GNB4: variants seen among roughly 807,000 people sequenced by gnomAD.
The protein encoded by GNB4 is G protein subunit beta 4.
A neutral mutation model predicts 45.2 loss-of-function variants in GNB4; 28 were observed. The ratio of observed to expected loss-of-function variants is 0.62; its 90% CI spans 0.46 to 0.85. The LOEUF (loss-of-function observed/expected upper bound fraction) is 0.85, where lower values mean the gene tolerates loss of function less well. Ranked by LOEUF, GNB4 falls within the 40% of genes least tolerant of loss-of-function variation. The pLI is 0.00. For synonymous variants in GNB4, 132 were observed against 143.7 expected (o/e 0.92, Z 0.58); for missense variants, 321 against 425.4 (o/e 0.75, Z 2.16).
At chr3:179,430,254 TTTC>T (rs1352510077) in intron 1 of GNB4, among the ~76,000 whole-genome samples, 1 of 145,574 alleles carries the variant, frequency 6.9e-6, no homozygotes, top group African/African-American at 2.8e-5. Flanking sequence ...TCAAGCTAAT[TTTC>T]TTTTTTCTTT....
chr3:179,397,413 A>G lies in GNB4; in HGVS notation c.*3800T>C, dbSNP rs1187087475. ...TTAAGTCAAGATCCATTTATCTATTAATAGGTTAAGTCTGAAATTCTGTAA... is the reference window on the plus strand; with the variant it reads ...TTAAGTCAAGATCCATTTATCTATTGATAGGTTAAGTCTGAAATTCTGTAA... On this transcript the variant is annotated 3_prime_UTR_variant, in exon 10 of 10. Transcript: ENST00000232564. 1 of 152,254 alleles carries G rather than the reference A, an allele frequency of 6.6e-6. No homozygotes were observed. Among genetic ancestry groups the G allele is most frequent in the Non-Finnish European group, 1.5e-5 (1 of 68,048 alleles). 9.4% of individuals were successfully genotyped at this position (152,254 alleles called of 1,614,324 possible).
At chr3:179,515,501 G>A in the GNB4 span, among the ~76,000 whole-genome samples, 2 of 152,156 alleles carry the variant, frequency 1.3e-5, no homozygotes, top group Non-Finnish European at 2.9e-5. Flanking sequence ...GGCAGGGGCG[G>A]GGGTCACAAG....
intron 1 of GNB4, among the ~76,000 whole-genome samples, chr3:179,426,977 C>T (rs1488023861): frequency 3.9e-5 from 6 of 152,008 alleles, no homozygotes; most frequent in African/African-American, 1.4e-4. Flanking sequence ...TGTATCATTA[C>T]ACACACACAC....
At chr3:179,465,654 T>C in the GNB4 span, among the ~76,000 whole-genome samples, 1 of 152,116 alleles carries the variant, frequency 6.6e-6, no homozygotes, top group East Asian at 1.9e-4. Flanking sequence ...AACACATCTG[T>C]CTGGTGTGAT....
At chr3:179,468,035 A>ATATATATATATAT in the GNB4 span, among the ~76,000 whole-genome samples, 2 of 89,854 alleles carry the variant, frequency 2.2e-5, no homozygotes, top group Admixed American at 1.1e-4. Flanking sequence ...TGTTGATAAA[A>ATATATATATATAT]ATATATATAT....
At chr3:179,454,248 A>G (rs1354471197), upstream of GNB4, among the ~76,000 whole-genome samples, 1 of 152,210 alleles carries the variant, frequency 6.6e-6, no homozygotes, top group Admixed American at 6.5e-5. Flanking sequence ...TGGGGTCCCT[A>G]CTAGAGAACC....
intron 8 of GNB4, chr3:179,405,624 T>C (rs1714447047): frequency 2.0e-6 from 1 of 490,354 alleles, no homozygotes. Context: ...ACACAGCCCA[T>C]TGTTCAGAAC....
At chr3:179,420,094 A>G (rs1210466940) in intron 3 of GNB4, among the ~76,000 whole-genome samples, 1 of 151,402 alleles carries the variant, frequency 6.6e-6, no homozygotes, top group Non-Finnish European at 1.5e-5. Context: ...AACTATATGA[A>G]TCTATACATA....
rs546841027 is a variant in GNB4 at position 179,412,440 on chromosome 3, T to C, written c.699+972A>G. ...CTGCTGTGAGCTATGATCATGCCAT[T>C]GTACTCCAGCCTGGGCAACGGAATG... On this transcript the variant is annotated intron_variant, in intron 8 of 9. Transcript: ENST00000232564. Among the ~76,000 whole-genome samples, 5 of 152,222 alleles carry C rather than the reference T, an allele frequency of 3.3e-5. No individual in the cohort carries two copies. The East Asian group carries it at 9.7e-4, about 29-fold the overall frequency.
chr3:179,414,199 A>T (rs185258204), intron 6 of GNB4, among the ~76,000 whole-genome samples: 196 of 151,926 alleles, frequency 1.3e-3, no homozygotes, highest in African/African-American at 3.9e-3. Context: ...AGTTAAAAAA[A>T]TTTTTTTTTC....
chr3:179,455,257 C>G (rs1386265883), upstream of GNB4, among the ~76,000 whole-genome samples: 3 of 152,152 alleles, frequency 2.0e-5, no homozygotes, highest in Non-Finnish European at 2.9e-5. Flanking sequence ...ATCTGCTGCT[C>G]TATGTCCTGT....
the GNB4 span, among the ~76,000 whole-genome samples, chr3:179,484,216 G>C: frequency 9.2e-5 from 14 of 152,304 alleles, no homozygotes; most frequent in Middle Eastern, 3.4e-3. Flanking sequence ...TGAGAAACTA[G>C]ACTTATATAG....
chr3:179,470,590 G>A, the GNB4 span, among the ~76,000 whole-genome samples: 1 of 151,134 alleles, frequency 6.6e-6, no homozygotes, highest in Non-Finnish European at 1.5e-5. Context: ...TGTCACCTAG[G>A]CTGGAGTGCA....
At chr3:179,458,193 G>A in the GNB4 span, among the ~76,000 whole-genome samples, 7 of 152,278 alleles carry the variant, frequency 4.6e-5, no homozygotes, top group Non-Finnish European at 8.8e-5. Context: ...GTGAGCCACC[G>A]CGCCCAGCCC....
At position 179,398,826 on chromosome 3, in the gene GNB4, C is replaced by G. The variant is rs952227300; in HGVS notation, c.*2387G>C. The G allele has an allele frequency of 3.4e-5, 5 of 147,460 alleles. No homozygotes were observed. In the Admixed American group the frequency reaches 3.5e-4, roughly 10 times the overall value. 9.1% of individuals were successfully genotyped at this position (147,460 alleles called of 1,614,324 possible). A position where few individuals can be genotyped will look rare whatever the true frequency, so the allele number is the denominator to read the frequency against. ...GCCATTTGTTTATGTGTATAATTAA[C>G]CACAAGTGTTAAATAGTTTTTAGTT... On this transcript the variant is annotated 3_prime_UTR_variant, in exon 10 of 10. Transcript: ENST00000232564.
chr3:179,434,762 A>C (rs1420689906), intron 1 of GNB4, among the ~76,000 whole-genome samples: 2 of 151,796 alleles, frequency 1.3e-5, no homozygotes, highest in African/African-American at 4.8e-5. Context: ...AATGCACACA[A>C]GCTGGATGCA....
chr3:179,405,598 A>ATT (rs1714445982), intron 8 of GNB4, 192 bp from the exon 9 acceptor site: 1 of 555,104 alleles, frequency 1.8e-6, no homozygotes, highest in Non-Finnish European at 3.2e-6. Flanking sequence ...ACTGAATTAA[A>ATT]TAACATATGC....
the GNB4 span, among the ~76,000 whole-genome samples, chr3:179,489,857 T>G: frequency 1.3e-5 from 2 of 152,202 alleles, no homozygotes; most frequent in South Asian, 2.1e-4. Flanking sequence ...ACTGTCTAAT[T>G]CCAAGGTTTA....
chr3:179,501,658 T>C, the GNB4 span, among the ~76,000 whole-genome samples: 16,615 of 152,152 alleles, frequency 0.11, 1,449 homozygotes, highest in African/African-American at 0.24. Context: ...TCTTGGACAT[T>C]TAAGGGGCAA....
Sources: gnomAD v4.1 joint callset for allele counts (sites outside exome capture counted in the v4.1 genomes callset) on GRCh38, gnomAD v4.1.1 for gene constraint, MANE v1.5 for transcripts, NCBI Gene and HGNC (gene_info 2026-07-23, HGNC 2026-07-21) for gene names.